CDK5RAP2: variants seen among roughly 807,000 people sequenced by gnomAD.
CDK5RAP2 encodes CDK5 regulatory subunit-associated protein 2.
In CDK5RAP2, 147 loss-of-function variants were observed where a neutral mutation model predicts 232.9. The observed-to-expected ratio is 0.63, with a 90% CI of 0.55 to 0.72. The LOEUF (loss-of-function observed/expected upper bound fraction) is 0.72. Ranked by LOEUF, CDK5RAP2 falls within the 30% of genes least tolerant of loss-of-function variation. CDK5RAP2 has a pLI of 0.00. For synonymous variants in CDK5RAP2, 833 were observed against 833.7 expected (o/e 1.00, Z 0.01); for missense variants, 2,195 against 2,231.5 (o/e 0.98, Z 0.33).
At chr9:120,551,199 TTTC>T (rs2042029718) in intron 3 of CDK5RAP2, among the ~76,000 whole-genome samples, 1 of 152,098 alleles carries the variant, frequency 6.6e-6, no homozygotes, top group Admixed American at 6.6e-5. Flanking sequence ...AAAAGAAGAA[TTTC>T]TTCTTTTCAA....
At chr9:120,426,071 C>T (rs2034879476) in intron 25 of CDK5RAP2, among the ~76,000 whole-genome samples, 2 of 152,184 alleles carry the variant, frequency 1.3e-5, no homozygotes. Context: ...TGGGAAGACA[C>T]TTAAGGGACT....
chr9:120,462,824 G>T (rs2037166720), intron 18 of CDK5RAP2, among the ~76,000 whole-genome samples: 1 of 152,176 alleles, frequency 6.6e-6, no homozygotes, highest in Non-Finnish European at 1.5e-5. Context: ...AAAACTTAGT[G>T]AACGCAGGCT....
At chr9:120,412,249 GCCA>G (rs2033894623) in intron 28 of CDK5RAP2, among the ~76,000 whole-genome samples, 1 of 152,120 alleles carries the variant, frequency 6.6e-6, no homozygotes. Context: ...CACATTCACG[GCCA>G]CCCTCAGGAA....
In CDK5RAP2 at chr9:120,439,355, G is replaced by A. The variant is rs759590109; in HGVS notation, c.3722+44C>T. 5.3e-6 allele frequency: 8 copies of A among 1,500,584 alleles called. No individual in the cohort carries two copies. In the Admixed American group the frequency reaches 1.3e-4, roughly 25 times the overall value. 93.0% of individuals were successfully genotyped at this position (1,500,584 alleles called of 1,614,324 possible). A position where few individuals can be genotyped will look rare whatever the true frequency, so the allele number is the denominator to read the frequency against. ...GGCTCCCACCTAGTGGCAATACTGG[G>A]GGACTACAGGCTTAAACGGGGAGAC... On this transcript the variant is annotated intron_variant, in intron 24 of 37. Transcript: ENST00000349780.
intron 28 of CDK5RAP2, among the ~76,000 whole-genome samples, chr9:120,411,808 C>T (rs1165158232): frequency 6.6e-6 from 1 of 152,204 alleles, no homozygotes. Context: ...ACCACTGAGG[C>T]AGCTCTGTCA....
In CDK5RAP2 at chr9:120,412,629, C is replaced by G. The variant is rs894512320; in HGVS notation, c.4298-1155G>C. Among the ~76,000 whole-genome samples, 24 of 152,352 alleles carry G rather than the reference C, an allele frequency of 1.6e-4. No individual in the cohort carries two copies. In the East Asian group the frequency reaches 2.3e-3, roughly 15 times the overall value. ...ACTGAGCCATAAACCTGCCTTGGAA[C>G]TCCCTGCCTCTGGGTTTCTTGTTAC... On this transcript the variant is annotated intron_variant, in intron 28 of 37. Coordinates refer to ENST00000349780, the MANE Select transcript of CDK5RAP2 (RefSeq NM_018249.6).
At chr9:120,572,670 C>T (rs2042896363) in intron 1 of CDK5RAP2, among the ~76,000 whole-genome samples, 1 of 152,154 alleles carries the variant, frequency 6.6e-6, no homozygotes. Flanking sequence ...TGGTGTGACA[C>T]AAAAGACACT....
chr9:120,490,071 T>G (rs1445616090), intron 13 of CDK5RAP2, among the ~76,000 whole-genome samples: 1 of 152,192 alleles, frequency 6.6e-6, no homozygotes, highest in Non-Finnish European at 1.5e-5. Flanking sequence ...CCTCCCAAAG[T>G]GCTGGAATTT....
chr9:120,477,586 G>A, intron 14 of CDK5RAP2, 136 bp from the exon 15 acceptor site: 1 of 724,518 alleles, frequency 1.4e-6, no homozygotes, highest in East Asian at 2.6e-5. Flanking sequence ...CCTGGCTCTG[G>A]CTCAGGCCAC....
intron 25 of CDK5RAP2, among the ~76,000 whole-genome samples, chr9:120,432,516 A>G (rs2035343523): frequency 6.6e-6 from 1 of 152,178 alleles, no homozygotes; most frequent in Non-Finnish European, 1.5e-5. Flanking sequence ...AGCTTGTTTC[A>G]TAATTCAAGA....
At chr9:120,498,737 A>C (rs751497801) in intron 12 of CDK5RAP2, among the ~76,000 whole-genome samples, 5 of 151,180 alleles carry the variant, frequency 3.3e-5, no homozygotes, top group African/African-American at 7.4e-5. Context: ...ATATATATAT[A>C]TCAACGGGTG....
At chr9:120,416,029 GA>G (rs913004029) in intron 27 of CDK5RAP2, among the ~76,000 whole-genome samples, 120 of 150,278 alleles carry the variant, frequency 8.0e-4, no homozygotes, top group Middle Eastern at 6.8e-3. Flanking sequence ...ACAACTTATA[GA>G]AAAAAAAAAT....
At chr9:120,524,488 A>T (rs915603685) in intron 11 of CDK5RAP2, among the ~76,000 whole-genome samples, 4 of 152,148 alleles carry the variant, frequency 2.6e-5, no homozygotes, top group Non-Finnish European at 5.9e-5. Context: ...TAAAAATACA[A>T]AAATTAGCCA....
At position 120,435,470 on chromosome 9, in the gene CDK5RAP2, TACACACAC is replaced by T. The variant is rs55654634; in HGVS notation, c.3955+1817_3955+1824del. On this transcript the variant is annotated intron_variant, in intron 25 of 37. Coordinates refer to ENST00000349780, the MANE Select transcript of CDK5RAP2 (RefSeq NM_018249.6). Reference sequence around the variant, plus strand: ...TTTTTTAAAAAATAAATTACACATTTACACACACACACACACACACACACACACACACG... The same window carrying T: ...TTTTTTAAAAAATAAATTACACATTTACACACACACACACACACACACACG... 7.1e-3 allele frequency among the ~76,000 whole-genome samples: 1,040 copies of T among 147,412 alleles called. 12 individuals carry two copies. The highest frequency in any genetic ancestry group is 0.024 in the African/African-American group (977 of 40,000).
chr9:120,552,683 G>C (rs2042087188), intron 3 of CDK5RAP2, among the ~76,000 whole-genome samples: 1 of 126,514 alleles, frequency 7.9e-6, no homozygotes, highest in Non-Finnish European at 1.6e-5. Context: ...TCACACACCA[G>C]GGCCTGTTGT....
intron 21 of CDK5RAP2, among the ~76,000 whole-genome samples, chr9:120,450,407 T>C (rs1328660609): frequency 6.6e-6 from 1 of 152,146 alleles, no homozygotes; most frequent in Non-Finnish European, 1.5e-5. Flanking sequence ...AGGTTTCTTT[T>C]GGGATGATGA....
chr9:120,447,067 T>G (rs2036230815), intron 22 of CDK5RAP2, among the ~76,000 whole-genome samples: 1 of 152,228 alleles, frequency 6.6e-6, no homozygotes, highest in Non-Finnish European at 1.5e-5. Context: ...CCTAGAATAG[T>G]GCTTGGCACA....
intron 7 of CDK5RAP2, among the ~76,000 whole-genome samples, chr9:120,535,338 CTCCA>C (rs1346205845): frequency 1.3e-5 from 2 of 152,190 alleles, no homozygotes; most frequent in Non-Finnish European, 2.9e-5. Context: ...AAGCAGCAGA[CTCCA>C]ATCTCCACAG....
At chr9:120,400,645 G>T in intron 35 of CDK5RAP2, 97 bp downstream of exon 35, 5 of 1,463,148 alleles carry the variant, frequency 3.4e-6, no homozygotes, top group South Asian at 1.2e-5. Context: ...CCCAAATGGT[G>T]GGCACATCTG....
Sources: allele counts gnomAD v4.1 joint callset (sites outside exome capture counted in the v4.1 genomes callset), GRCh38; gene constraint gnomAD v4.1.1; transcripts MANE v1.5; gene names NCBI Gene and HGNC (gene_info 2026-07-23, HGNC 2026-07-21).